DGCR2: variants seen among roughly 807,000 people sequenced by gnomAD.
The protein encoded by DGCR2 is DiGeorge syndrome critical region gene 2, also known as integral membrane protein DGCR2/IDD.
Under a neutral mutation model 51.6 loss-of-function variants are expected in DGCR2, and 24 were observed. The observed-to-expected ratio is 0.47, with a 90% CI of 0.34 to 0.65. DGCR2 has a LOEUF of 0.65. Ranked by LOEUF, DGCR2 falls within the 30% of genes least tolerant of loss-of-function variation. DGCR2 has a pLI of 0.01. For synonymous variants in DGCR2, 340 were observed against 315.4 expected (o/e 1.08, Z -0.82); for missense variants, 765 against 772.1 (o/e 0.99, Z 0.11).
intron 2 of DGCR2, among the ~76,000 whole-genome samples, chr22:19,075,372 G>A (rs2107299): frequency 0.41 from 62,473 of 151,818 alleles, 13,303 homozygotes; most frequent in African/African-American, 0.53. Context: ...GCGTGAACCC[G>A]GGAGGCAGAG....
intron 5 of DGCR2, chr22:19,060,839 C>A (rs182393536): frequency 5.2e-5 from 27 of 514,330 alleles, no homozygotes; most frequent in Admixed American, 1.8e-4. Context: ...GAGAGCGCTC[C>A]ACCAAGGCGC....
intron 1 of DGCR2, among the ~76,000 whole-genome samples, chr22:19,096,888 A>C (rs1287488875): frequency 8.0e-5 from 11 of 137,742 alleles, no homozygotes; most frequent in African/African-American, 1.7e-4. Flanking sequence ...CTATTAAAAA[A>C]AAAAACAAAA....
Position 19,089,462 on chromosome 22 carries a change from C to G in DGCR2, c.108G>C (p.Ala36=). The G allele has an allele frequency of 1.2e-6, 2 of 1,602,614 alleles. No individual in the cohort carries two copies. Among genetic ancestry groups the G allele is most frequent in the South Asian group, 1.1e-5 (1 of 89,438 alleles). ...PELRCNPGQF[A]CRSGTIQCIP... ...TGCACTGGATGGTGCCGCTGCGACA[C>G]GCAAACTGCCCAGGGTTGCACCGCA... Residue 36 remains alanine (A), a synonymous_variant, in exon 2 of 10, where the codon GCG becomes GCC. Transcript: ENST00000263196.
intron 7 of DGCR2, among the ~76,000 whole-genome samples, chr22:19,042,469 C>T (rs572267257): frequency 3.3e-5 from 5 of 152,330 alleles, no homozygotes; most frequent in East Asian, 3.9e-4. Context: ...AGCCAGGGGG[C>T]GGTGAGGGAC....
intron 1 of DGCR2, among the ~76,000 whole-genome samples, chr22:19,116,161 T>C (rs1455195238): frequency 6.6e-6 from 1 of 152,298 alleles, no homozygotes; most frequent in East Asian, 1.9e-4. Flanking sequence ...CTGCCTGCCA[T>C]GGGCCAGGAT....
At chr22:19,070,347 G>A (rs977482139) in intron 2 of DGCR2, among the ~76,000 whole-genome samples, 2 of 152,180 alleles carry the variant, frequency 1.3e-5, no homozygotes, top group Non-Finnish European at 2.9e-5. Context: ...AGACATATCC[G>A]GGATAAACCT....
intron 7 of DGCR2, chr22:19,046,808 A>G: frequency 2.4e-6 from 1 of 415,240 alleles, no homozygotes; most frequent in South Asian, 1.7e-5. Context: ...CAGATGCACT[A>G]AGGGCCCTGC....
intron 1 of DGCR2, among the ~76,000 whole-genome samples, chr22:19,108,084 A>C (rs1260852677): frequency 2.0e-5 from 3 of 152,198 alleles, no homozygotes; most frequent in African/African-American, 7.2e-5. Flanking sequence ...ACAAGTGAGA[A>C]GAGCAGGAGG....
chr22:19,059,655 C>T (rs576482661), intron 5 of DGCR2, among the ~76,000 whole-genome samples: 15 of 152,150 alleles, frequency 9.9e-5, no homozygotes, highest in African/African-American at 2.2e-4. Context: ...GACAGGGTGG[C>T]GGCAAGTTTC....
intron 9 of DGCR2, among the ~76,000 whole-genome samples, chr22:19,040,826 G>A (rs181505965): frequency 1.3e-5 from 2 of 152,262 alleles, no homozygotes; most frequent in African/African-American, 4.8e-5. Flanking sequence ...AGGAGGGAGG[G>A]GTCCCAGGCC....
rs1242996595 is a variant in DGCR2 at position 19,041,284 on chromosome 22, G to C, written c.1170C>G (p.Phe390Leu). The C allele has an allele frequency of 1.2e-6, 2 of 1,613,980 alleles. No homozygotes were observed. Among genetic ancestry groups the C allele is most frequent in the Non-Finnish European group, 1.7e-6 (2 of 1,179,988 alleles). Residue 390 changes from phenylalanine to leucine, a missense_variant, in exon 9 of 10, where the codon TTC (phenylalanine) becomes TTG (leucine). By Grantham distance (22) the Phe-to-Leu change is conservative (BLOSUM62 0). This residue lies in a region of DGCR2 where 190 missense variants were observed against 265.2 expected (regional missense o/e 0.72). Coordinates refer to ENST00000263196, the MANE Select transcript of DGCR2 (RefSeq NM_005137.3). The part of the protein sequence containing the change: ...ESLIGANLHH[F>L]NLGRRIPGFD... Reference sequence around the variant, plus strand: ...AGCCAGGGATCCTGCGGCCGAGGTTGAAGTGGTGCACTGGGCCATCAAAAG... The same window carrying C: ...AGCCAGGGATCCTGCGGCCGAGGTTCAAGTGGTGCACTGGGCCATCAAAAG...
At chr22:19,070,383 G>T (rs895288510) in intron 2 of DGCR2, among the ~76,000 whole-genome samples, 12 of 152,220 alleles carry the variant, frequency 7.9e-5, no homozygotes, top group African/African-American at 2.2e-4. Flanking sequence ...TGTGGCTGGA[G>T]AATGTCACTG....
At chr22:19,048,712 C>T (rs2082517787) in intron 6 of DGCR2, 69 bp from the exon 7 acceptor site, 2 of 1,532,448 alleles carry the variant, frequency 1.3e-6, no homozygotes, top group Non-Finnish European at 1.8e-6. Flanking sequence ...GTGTGGGCCA[C>T]ACTGCCAAAA....
chr22:19,119,750 A>G (rs1355246207), intron 1 of DGCR2, among the ~76,000 whole-genome samples: 1 of 151,464 alleles, frequency 6.6e-6, no homozygotes, highest in Non-Finnish European at 1.5e-5. Flanking sequence ...AAAAAAAAAA[A>G]AAAAAAATTG....
chr22:19,057,175 C>A lies in DGCR2; in HGVS notation c.626-13G>T, dbSNP rs200102672. On this transcript the variant is annotated splice_polypyrimidine_tract_variant and intron_variant, in intron 5 of 9. Coordinates refer to ENST00000263196, the MANE Select transcript of DGCR2 (RefSeq NM_005137.3). The surrounding 1 kb of genome is among the most constrained non-coding windows in gnomAD (Gnocchi z 5.1). ...ACCTCTGAAGAGCCTGTTGGGGAGA[C>A]AAAAGGTGGGGCTGGACAACATCAC... The A allele has an allele frequency of 1.9e-4, 306 of 1,590,970 alleles. No homozygotes were observed. Among genetic ancestry groups the A allele is most frequent in the Non-Finnish European group, 2.5e-4 (297 of 1,168,506 alleles).
chr22:19,046,718 C>A, intron 7 of DGCR2: 1 of 431,308 alleles, frequency 2.3e-6, no homozygotes, highest in Non-Finnish European at 4.8e-6. Flanking sequence ...GGAAGCATGG[C>A]CACAGGGCAG....
intron 7 of DGCR2, chr22:19,046,059 C>T (rs1245511692): frequency 6.6e-6 from 1 of 152,102 alleles, no homozygotes; most frequent in Non-Finnish European, 1.5e-5. Flanking sequence ...CTTGTCAATA[C>T]CTACAAAAAT....
intron 1 of DGCR2, 132 bp downstream of exon 1, chr22:19,121,996 G>A (rs1020048495): frequency 1.0e-5 from 5 of 495,064 alleles, no homozygotes; most frequent in Admixed American, 5.0e-5. Flanking sequence ...GGCGGCCCGC[G>A]AGCCAGGCCC....
chr22:19,052,799 C>T (rs1411975929), intron 6 of DGCR2, among the ~76,000 whole-genome samples: 2 of 151,916 alleles, frequency 1.3e-5, no homozygotes, highest in African/African-American at 4.8e-5. Flanking sequence ...AGGAACAAAT[C>T]ATTAATAAAA....
Sources: gnomAD v4.1 joint callset for allele counts (sites outside exome capture counted in the v4.1 genomes callset) on GRCh38, gnomAD v4.1.1 for gene constraint, gnomAD v4.1.1 regional missense constraint, Gnocchi (gnomAD v3.1) non-coding constraint, MANE v1.5 for transcripts, NCBI Gene and HGNC (gene_info 2026-07-23, HGNC 2026-07-21) for gene names.